NETO2: variants seen among roughly 807,000 people sequenced by gnomAD.
NETO2 encodes the protein neuropilin and tolloid like 2.
NETO2 carries 28 observed loss-of-function variants against 62.5 expected under a neutral mutation model. That is an observed-to-expected ratio of 0.45 (90% CI 0.33 to 0.61). The LOEUF (loss-of-function observed/expected upper bound fraction) is 0.61, where lower values mean the gene tolerates loss of function less well. NETO2 is among the 20% of genes least tolerant of loss of function. The probability of loss-of-function intolerance (pLI) is 0.02; values close to 1 mark genes in which losing one functional copy is unlikely to be tolerated. For missense variants in NETO2, 548 were observed against 643.2 expected (o/e 0.85, Z 1.60); for synonymous variants, 214 against 219.1 (o/e 0.98, Z 0.21).
intron 1 of NETO2, among the ~76,000 whole-genome samples, chr16:47,134,405 C>T (rs770874642): frequency 2.0e-5 from 3 of 152,100 alleles, no homozygotes; most frequent in Non-Finnish European, 4.4e-5. Flanking sequence ...CATCTTTACA[C>T]TGGATCTGAT....
chr16:47,115,684 G>A (rs1963896795), intron 6 of NETO2, among the ~76,000 whole-genome samples: 2 of 125,278 alleles, frequency 1.6e-5, no homozygotes, highest in Non-Finnish European at 3.2e-5. Flanking sequence ...CAGCCACCAT[G>A]CCCGGCTAAT....
chr16:47,143,853 C>A lies in NETO2; in HGVS notation c.-241G>T. On this transcript the variant is annotated 5_prime_UTR_variant, in exon 1 of 9. It introduces an in-frame stop codon into an upstream open reading frame of the 5' UTR. Transcript: ENST00000562435. ...GCCTCCTGCTCCGCGGCGCCCCGTC[C>A]CATCGACCGCCCGAGGGCCGAGGAG... 2.9e-6 allele frequency: 1 copy of A among 344,864 alleles called. No individual in the cohort carries two copies. Among genetic ancestry groups the A allele is most frequent in the Non-Finnish European group, 4.7e-6 (1 of 210,772 alleles). The allele number at this position is 344,864 out of a possible 1,614,324, so 21.4% of individuals were successfully genotyped here. A position where few individuals can be genotyped will look rare whatever the true frequency, so the allele number is the denominator to read the frequency against.
intron 4 of NETO2, among the ~76,000 whole-genome samples, chr16:47,123,949 G>A (rs573737895): frequency 5.9e-5 from 9 of 152,188 alleles, no homozygotes; most frequent in South Asian, 2.1e-4. Flanking sequence ...TGCCTGCCTC[G>A]GCCTTCCAAA....
At chr16:47,116,755 T>C (rs1963930666) in intron 6 of NETO2, among the ~76,000 whole-genome samples, 1 of 152,194 alleles carries the variant, frequency 6.6e-6, no homozygotes, top group Non-Finnish European at 1.5e-5. Context: ...AGAGTTTTCT[T>C]TGTTAGAAGG....
At chr16:47,122,594 C>T in intron 6 of NETO2, 63 bp downstream of exon 6, 7 of 1,556,290 alleles carry the variant, frequency 4.5e-6, no homozygotes, top group Non-Finnish European at 6.1e-6. Context: ...CAAAATTACA[C>T]ATTTTGCAAA....
At chr16:47,110,955 T>C (rs965683000) in intron 6 of NETO2, among the ~76,000 whole-genome samples, 3 of 152,222 alleles carry the variant, frequency 2.0e-5, no homozygotes, top group African/African-American at 4.8e-5. Flanking sequence ...GGAAAATTGG[T>C]AATGAAATAG....
At chr16:47,086,170 A>G in intron 8 of NETO2, 56 bp downstream of exon 8, 3 of 955,086 alleles carry the variant, frequency 3.1e-6, no homozygotes, top group Non-Finnish European at 5.2e-6. Context: ...TAAGTTCTTA[A>G]TGAAGGGCAA....
intron 6 of NETO2, among the ~76,000 whole-genome samples, chr16:47,117,756 A>T (rs1221789614): frequency 6.6e-6 from 1 of 152,038 alleles, no homozygotes; most frequent in African/African-American, 2.4e-5. Flanking sequence ...GTTTACTGCT[A>T]TCTCATGAAG....
chr16:47,107,119 G>T (rs933667102), intron 7 of NETO2, among the ~76,000 whole-genome samples: 2 of 152,156 alleles, frequency 1.3e-5, no homozygotes, highest in Non-Finnish European at 2.9e-5. Context: ...AAGTGTAAAA[G>T]AATAATGCTG....
At chr16:47,086,385 G>T in intron 7 of NETO2, 46 bp from the exon 8 acceptor site, 1 of 1,265,320 alleles carries the variant, frequency 7.9e-7, no homozygotes, top group South Asian at 1.2e-5. Context: ...CAGACCACCT[G>T]ATTTTATTTC....
At chr16:47,132,490 G>A (rs577303978) in intron 1 of NETO2, among the ~76,000 whole-genome samples, 2 of 152,260 alleles carry the variant, frequency 1.3e-5, no homozygotes, top group South Asian at 4.1e-4. Flanking sequence ...TAAGGGGGCA[G>A]CAGTCTCCTA....
intron 7 of NETO2, among the ~76,000 whole-genome samples, chr16:47,107,554 G>A (rs951380522): frequency 5.3e-5 from 8 of 152,142 alleles, no homozygotes; most frequent in Admixed American, 1.3e-4. Context: ...CAGGTTTCTC[G>A]CTGTTTAAGA....
chr16:47,116,328 A>C (rs1217379656), intron 6 of NETO2, among the ~76,000 whole-genome samples: 28 of 152,044 alleles, frequency 1.8e-4, no homozygotes, highest in Non-Finnish European at 5.9e-5. Context: ...AGGTTATGGA[A>C]GTCTCATCTG....
At chr16:47,114,830 T>C (rs947800813) in intron 6 of NETO2, among the ~76,000 whole-genome samples, 10 of 152,170 alleles carry the variant, frequency 6.6e-5, no homozygotes, top group Admixed American at 6.5e-4. Flanking sequence ...TTTTCATATA[T>C]TCTCCTCTAA....
At chr16:47,142,003 C>T (rs1289309703) in intron 1 of NETO2, among the ~76,000 whole-genome samples, 1 of 152,182 alleles carries the variant, frequency 6.6e-6, no homozygotes, top group African/African-American at 2.4e-5. Flanking sequence ...CAGATCTACG[C>T]GATTTCATCC....
intron 2 of NETO2, among the ~76,000 whole-genome samples, chr16:47,130,184 T>C (rs1033558745): frequency 6.6e-6 from 1 of 152,186 alleles, no homozygotes; most frequent in African/African-American, 2.4e-5. Flanking sequence ...GTTTCCTGCT[T>C]AACTCCCACA....
chr16:47,092,909 A>G lies in NETO2; in HGVS notation c.884-6570T>C, dbSNP rs1025837336. Among the ~76,000 whole-genome samples, 4 of 152,278 alleles carry G rather than the reference A, an allele frequency of 2.6e-5. No individual in the cohort carries two copies. In the East Asian group the frequency reaches 7.7e-4, roughly 29 times the overall value. On this transcript the variant is annotated intron_variant, in intron 7 of 8. Coordinates refer to ENST00000562435, the MANE Select transcript of NETO2 (RefSeq NM_018092.5). ...ATCTTTCAGTCAGACTCAAAATTGT[A>G]GGTGACTGACTCACTCTTTTAGCCT...
chr16:47,106,109 A>G (rs988835407), intron 7 of NETO2, among the ~76,000 whole-genome samples: 13 of 152,182 alleles, frequency 8.5e-5, no homozygotes. Flanking sequence ...ACATATGACC[A>G]CATGGATGAA....
chr16:47,105,508 T>A (rs1328833454), intron 7 of NETO2, among the ~76,000 whole-genome samples: 1 of 151,800 alleles, frequency 6.6e-6, no homozygotes, highest in Non-Finnish European at 1.5e-5. Context: ...TCATCAAAAT[T>A]CAAAACTTTT....
Sources: gnomAD v4.1 joint callset for allele counts (sites outside exome capture counted in the v4.1 genomes callset) on GRCh38, gnomAD v4.1.1 for gene constraint, MANE v1.5 for transcripts, NCBI Gene and HGNC (gene_info 2026-07-23, HGNC 2026-07-21) for gene names.